The following POU6F2 variants were observed in gnomAD, a reference collection of about 807,000 sequenced individuals.
POU6F2 encodes the protein POU class 6 homeobox 2.
Under a neutral mutation model 71.3 loss-of-function variants are expected in POU6F2, and 31 were observed. The observed-to-expected ratio is 0.43, with a 90% confidence interval of 0.33 to 0.59. The LOEUF (loss-of-function observed/expected upper bound fraction) is 0.59, where lower values mean the gene tolerates loss of function less well. Ranked by LOEUF, POU6F2 falls within the 20% of genes least tolerant of loss-of-function variation. The pLI is 0.04. For synonymous variants in POU6F2, 347 were observed against 355.7 expected (o/e 0.98, Z 0.27); for missense variants, 783 against 856.8 (o/e 0.91, Z 1.07).
intron 5 of POU6F2, among the ~76,000 whole-genome samples, chr7:39,355,014 T>C (rs1351139304): frequency 6.6e-6 from 1 of 152,182 alleles, no homozygotes; most frequent in African/African-American, 2.4e-5. Context: ...CTGCCCCCAG[T>C]CTGACAAGGC....
rs185897027 is a variant in POU6F2, at chr7:39,441,975, C to T, written c.1320+8692C>T. 2.8e-3 allele frequency among the ~76,000 whole-genome samples: 419 copies of T among 152,138 alleles called. 5 individuals carry two copies. Among genetic ancestry groups the T allele is most frequent in the Non-Finnish European group, 4.1e-3 (276 of 67,998 alleles). On this transcript the variant is annotated intron_variant, in intron 7 of 9. Coordinates refer to ENST00000518318, the MANE Select transcript of POU6F2 (RefSeq NM_001370959.1). ...ATAAAGAGAAGGGAAGAAGAAAGTC[C>T]CAATATTATCATTTATCTACAACAA...
At chr7:39,353,538 G>T (rs929046796) in intron 5 of POU6F2, among the ~76,000 whole-genome samples, 5 of 152,206 alleles carry the variant, frequency 3.3e-5, no homozygotes, top group Non-Finnish European at 4.4e-5. Context: ...TCATCTAAGG[G>T]ATTCTGTAAA....
At chr7:38,985,830 A>AC (rs1458866194) in intron 1 of POU6F2, among the ~76,000 whole-genome samples, 1 of 152,154 alleles carries the variant, frequency 6.6e-6, no homozygotes, top group Non-Finnish European at 1.5e-5. Context: ...AGTAATATTC[A>AC]GAAGGTTTCT....
intron 4 of POU6F2, among the ~76,000 whole-genome samples, chr7:39,306,910 T>C (rs1403433424): frequency 6.6e-6 from 1 of 152,216 alleles, no homozygotes; most frequent in African/African-American, 2.4e-5. Context: ...TTTCTTGATT[T>C]CTTTGCTCCT....
intron 2 of POU6F2, among the ~76,000 whole-genome samples, chr7:39,111,391 G>T (rs1791810247): frequency 2.0e-5 from 3 of 151,964 alleles, no homozygotes; most frequent in Non-Finnish European, 2.9e-5. Flanking sequence ...TTCTGTGGAT[G>T]GTAAAACGAA....
intron 4 of POU6F2, among the ~76,000 whole-genome samples, chr7:39,291,946 CT>C (rs80150010): frequency 0.17 from 23,636 of 142,858 alleles, 1,985 homozygotes; most frequent in Admixed American, 0.21. Flanking sequence ...TTCCCTTTAC[CT>C]TTTTTTTTTT....
intron 4 of POU6F2, among the ~76,000 whole-genome samples, chr7:39,290,067 G>GA (rs1223944666): frequency 2.0e-5 from 3 of 151,642 alleles, no homozygotes; most frequent in Non-Finnish European, 2.9e-5. Flanking sequence ...TCCAAAGTTA[G>GA]AAAAAAAATA....
At chr7:39,310,174 A>G (rs1288631803) in intron 4 of POU6F2, among the ~76,000 whole-genome samples, 2 of 152,204 alleles carry the variant, frequency 1.3e-5, no homozygotes, top group East Asian at 1.9e-4. Context: ...GTGCTTTACA[A>G]TGAGCGGAAA....
At chr7:39,145,411 A>G (rs2128732762) in intron 2 of POU6F2, among the ~76,000 whole-genome samples, 1 of 152,348 alleles carries the variant, frequency 6.6e-6, no homozygotes, top group Non-Finnish European at 1.5e-5. Flanking sequence ...ATTATAAGTA[A>G]TCAAATAAAA....
chr7:39,334,896 T>G (rs1785734411), intron 4 of POU6F2, among the ~76,000 whole-genome samples: 1 of 152,172 alleles, frequency 6.6e-6, no homozygotes, highest in Non-Finnish European at 1.5e-5. Flanking sequence ...ATGGGCCCAT[T>G]GATTCTTTAC....
intron 6 of POU6F2, among the ~76,000 whole-genome samples, chr7:39,421,902 G>A (rs1787858759): frequency 6.6e-6 from 1 of 152,140 alleles, no homozygotes; most frequent in Non-Finnish European, 1.5e-5. Flanking sequence ...GGCATCAACA[G>A]GCAGAAGCAG....
At position 39,349,129 on chromosome 7, in the gene POU6F2, C is replaced by T. The variant is rs1200452719; in HGVS notation, c.972+9114C>T. Among the ~76,000 whole-genome samples, 3 of 152,122 alleles carry T rather than the reference C, an allele frequency of 2.0e-5. 1 individual carries two copies. The highest frequency in any genetic ancestry group is 3.9e-4 in the East Asian group (2 of 5,166). Reference sequence around the variant, plus strand: ...CAATAGGCTGGGCCGTGGAGAAAACCAAGTATAGAAAGGTGAGAAAAGAGG... The same window carrying T: ...CAATAGGCTGGGCCGTGGAGAAAACTAAGTATAGAAAGGTGAGAAAAGAGG... On this transcript the variant is annotated intron_variant, in intron 5 of 9. Transcript: ENST00000518318.
intron 2 of POU6F2, among the ~76,000 whole-genome samples, chr7:39,152,521 G>A (rs1247371655): frequency 6.6e-6 from 1 of 152,068 alleles, no homozygotes; most frequent in Non-Finnish European, 1.5e-5. Flanking sequence ...TGGCAAATGG[G>A]CAAAGCAGTG....
intron 4 of POU6F2, among the ~76,000 whole-genome samples, chr7:39,271,549 A>T (rs1784339597): frequency 6.6e-6 from 1 of 150,996 alleles, no homozygotes; most frequent in Non-Finnish European, 1.5e-5. Context: ...CAGCCAAGGA[A>T]TCACAGAGTG....
At chr7:39,034,708 C>T (rs1334445065) in intron 1 of POU6F2, among the ~76,000 whole-genome samples, 4 of 151,970 alleles carry the variant, frequency 2.6e-5, no homozygotes, top group Non-Finnish European at 5.9e-5. Flanking sequence ...CTTTTCAGGT[C>T]AAGAGTAGAT....
At chr7:39,092,324 T>C (rs901735328) in intron 2 of POU6F2, among the ~76,000 whole-genome samples, 2 of 152,228 alleles carry the variant, frequency 1.3e-5, no homozygotes, top group African/African-American at 4.8e-5. Flanking sequence ...CTCTGGAATT[T>C]TCTTGTTTGT....
chr7:39,247,683 A>G (rs1379460230), intron 4 of POU6F2, among the ~76,000 whole-genome samples: 1 of 152,186 alleles, frequency 6.6e-6, no homozygotes, highest in Non-Finnish European at 1.5e-5. Context: ...GGTACTTGTC[A>G]GCTACTATTT....
intron 7 of POU6F2, 128 bp from the exon 8 acceptor site, chr7:39,451,405 C>T (rs2116117348): frequency 4.0e-6 from 4 of 1,005,718 alleles, no homozygotes; most frequent in Middle Eastern, 3.0e-4. Flanking sequence ...GTAGGGTGCG[C>T]ACTCTTCCTG....
At chr7:39,244,312 A>G (rs1319063656) in intron 4 of POU6F2, among the ~76,000 whole-genome samples, 1 of 152,180 alleles carries the variant, frequency 6.6e-6, no homozygotes, top group Non-Finnish European at 1.5e-5. Context: ...CCACGCTGCA[A>G]AAACATCTCA....
Sources: allele counts gnomAD v4.1 joint callset (sites outside exome capture counted in the v4.1 genomes callset), GRCh38; gene constraint gnomAD v4.1.1; transcripts MANE v1.5; gene names NCBI Gene and HGNC (gene_info 2026-07-23, HGNC 2026-07-21).